The following USP37 variants were observed in gnomAD, a reference collection of about 807,000 sequenced individuals.
USP37 encodes the protein ubiquitin specific peptidase 37.
USP37 carries 27 observed loss-of-function variants against 124.0 expected under a neutral mutation model. The observed-to-expected ratio is 0.22, with a 90% confidence interval of 0.16 to 0.30. The LOEUF (loss-of-function observed/expected upper bound fraction) is 0.30, where lower values mean the gene tolerates loss of function less well. USP37 is among the 10% of genes least tolerant of loss of function. The pLI, the probability that USP37 is intolerant of heterozygous loss-of-function variation, is 1.00. For missense variants in USP37, 889 were observed against 1,140.4 expected (o/e 0.78, Z 3.17); for synonymous variants, 365 against 388.0 (o/e 0.94, Z 0.70).
At chr2:218,499,703 T>C (rs992395163) in intron 11 of USP37, among the ~76,000 whole-genome samples, 2 of 150,900 alleles carry the variant, frequency 1.3e-5, no homozygotes, top group Non-Finnish European at 2.9e-5. Flanking sequence ...TTTAGTTTTC[T>C]TTAATCTGGA....
chr2:218,493,127 T>C (rs912775226), intron 14 of USP37, among the ~76,000 whole-genome samples: 9 of 152,120 alleles, frequency 5.9e-5, no homozygotes, highest in Non-Finnish European at 1.2e-4. Flanking sequence ...AAAAAGTACA[T>C]TTGCCAAACT....
At chr2:218,464,518 G>A (rs889813107) in intron 21 of USP37, among the ~76,000 whole-genome samples, 3 of 152,164 alleles carry the variant, frequency 2.0e-5, no homozygotes, top group Non-Finnish European at 4.4e-5. Context: ...GATTACAGGC[G>A]TGAGCCACAG....
At chr2:218,494,998 T>C (rs1488304486) in intron 14 of USP37, among the ~76,000 whole-genome samples, 1 of 151,808 alleles carries the variant, frequency 6.6e-6, no homozygotes, top group Non-Finnish European at 1.5e-5. Context: ...AAAACAAGTA[T>C]TCCCAAACAA....
rs907346899 is a variant in USP37, at chr2:218,549,755, T to C, written c.429+54A>G. ...CTGGGATTACAGGCGTGAGCCACTGTGCCTGGCCAACTATCATTTTTTTTA... is the reference window on the plus strand; with the variant it reads ...CTGGGATTACAGGCGTGAGCCACTGCGCCTGGCCAACTATCATTTTTTTTA... On this transcript the variant is annotated intron_variant, in intron 6 of 25. Coordinates refer to ENST00000258399, the MANE Select transcript of USP37 (RefSeq NM_020935.3). 82 of 1,554,686 alleles carry C rather than the reference T, an allele frequency of 5.3e-5. No individual in the cohort carries two copies. In the Middle Eastern group the frequency reaches 1.2e-3, roughly 23 times the overall value.
At chr2:218,551,204 G>A (rs1278584569) in intron 5 of USP37, among the ~76,000 whole-genome samples, 2 of 152,134 alleles carry the variant, frequency 1.3e-5, no homozygotes, top group African/African-American at 4.8e-5. Flanking sequence ...TATATTAAAT[G>A]CTTTATGCTG....
intron 9 of USP37, 84 bp from the exon 10 acceptor site, chr2:218,530,124 C>A: frequency 1.0e-6 from 1 of 969,348 alleles, no homozygotes; most frequent in South Asian, 2.0e-5. Flanking sequence ...TACATTAGTC[C>A]TGATTATATT....
intron 10 of USP37, chr2:218,528,740 C>T: frequency 3.0e-6 from 1 of 337,816 alleles, no homozygotes; most frequent in East Asian, 5.4e-5. Context: ...TGCTGCACTG[C>T]ATGATCACAT....
At chr2:218,556,503 GTT>G (rs34907421) in intron 4 of USP37, among the ~76,000 whole-genome samples, 7 of 53,822 alleles carry the variant, frequency 1.3e-4, no homozygotes, top group African/African-American at 3.0e-4. Context: ...GGGTTTTTCT[GTT>G]TTTTTTTTTT....
chr2:218,501,997 T>C (rs977317147), intron 11 of USP37, among the ~76,000 whole-genome samples: 1 of 152,186 alleles, frequency 6.6e-6, no homozygotes, highest in Non-Finnish European at 1.5e-5. Context: ...CCTAGATGAA[T>C]TCACAGAGTG....
chr2:218,459,246 G>A (rs1309402071), intron 23 of USP37, among the ~76,000 whole-genome samples: 2 of 152,084 alleles, frequency 1.3e-5, no homozygotes, highest in East Asian at 3.9e-4. Flanking sequence ...TTGTTGCCCA[G>A]GCTGGAGTAC....
At chr2:218,502,102 TCA>T (rs1689420495) in intron 11 of USP37, among the ~76,000 whole-genome samples, 1 of 151,354 alleles carries the variant, frequency 6.6e-6, no homozygotes, top group Admixed American at 6.6e-5. Context: ...CTTAAGCAGA[TCA>T]CACAGCTGAG....
chr2:218,519,193 TACA>T (rs1463230953), intron 10 of USP37, among the ~76,000 whole-genome samples: 2 of 152,240 alleles, frequency 1.3e-5, no homozygotes, highest in African/African-American at 4.8e-5. Context: ...TGAAAAAATG[TACA>T]TCTAAGAATT....
rs114720296 is a variant in USP37, at chr2:218,537,411, C to G, written c.681-2705G>C. Among the ~76,000 whole-genome samples the G allele has an allele frequency of 7.2e-3, 1,095 of 152,308 alleles. 12 individuals are homozygous for G. The highest frequency in any genetic ancestry group is 0.025 in the African/African-American group (1,045 of 41,564). On this transcript the variant is annotated intron_variant, in intron 8 of 25. Transcript: ENST00000258399. ...AAGACACATGGCCCAATCACGCCCA[C>G]CACTCAATGGCCAGTTATATGAGTG...
chr2:218,466,601 T>C (rs911661245), intron 20 of USP37, among the ~76,000 whole-genome samples: 24 of 152,180 alleles, frequency 1.6e-4, no homozygotes, highest in Admixed American at 5.2e-4. Flanking sequence ...AAACACACTA[T>C]GTAAAGATGG....
Position 218,548,866 on chromosome 2 carries a change from T to C in USP37, c.429+943A>G, listed in dbSNP as rs1692516680. ...AAAGCATAAATACTTGCTTCTGCTA[T>C]ATGTGTTAACACTTATGCATTTAAA... On this transcript the variant is annotated intron_variant, in intron 6 of 25. Coordinates refer to ENST00000258399, the MANE Select transcript of USP37 (RefSeq NM_020935.3). 2.0e-5 allele frequency among the ~76,000 whole-genome samples: 3 copies of C among 152,228 alleles called. 1 individual carries two copies. The highest frequency in any genetic ancestry group is 4.1e-4 in the South Asian group (2 of 4,838).
At chr2:218,534,574 T>G in intron 9 of USP37, 35 bp downstream of exon 9, 101 of 1,313,934 alleles carry the variant, frequency 7.7e-5, no homozygotes, top group Middle Eastern at 3.9e-4. Flanking sequence ...ATATAATAAA[T>G]GAGCACCTTA....
chr2:218,524,994 T>C (rs1468020978), intron 10 of USP37, among the ~76,000 whole-genome samples: 1 of 152,234 alleles, frequency 6.6e-6, no homozygotes, highest in Non-Finnish European at 1.5e-5. Context: ...GAAGATCTTC[T>C]TTACTGTATA....
chr2:218,466,495 G>A (rs1250369087), intron 20 of USP37, among the ~76,000 whole-genome samples: 2 of 152,060 alleles, frequency 1.3e-5, no homozygotes, highest in African/African-American at 4.8e-5. Context: ...AACCAAAAAT[G>A]ACAGACACTA....
At chr2:218,521,983 T>A (rs879331090) in intron 10 of USP37, among the ~76,000 whole-genome samples, 3 of 151,436 alleles carry the variant, frequency 2.0e-5, no homozygotes, top group Non-Finnish European at 4.4e-5. Context: ...CAAGCGATTC[T>A]CCTACCTTAG....
Sources: gnomAD v4.1 joint callset for allele counts (sites outside exome capture counted in the v4.1 genomes callset) on GRCh38, gnomAD v4.1.1 for gene constraint, MANE v1.5 for transcripts, NCBI Gene and HGNC (gene_info 2026-07-23, HGNC 2026-07-21) for gene names.